IL1RAPL1: variants seen among roughly 807,000 people sequenced by gnomAD.
The protein encoded by IL1RAPL1 is interleukin-1 receptor accessory protein-like 1.
In IL1RAPL1, 3 loss-of-function variants were observed where a neutral mutation model predicts 48.4. The observed-to-expected ratio is 0.06, with a 90% CI of 0.03 to 0.16. IL1RAPL1 has a LOEUF of 0.16. Among genes scored for constraint, IL1RAPL1 ranks in the 10% least tolerant of loss-of-function variants. The pLI, the probability that IL1RAPL1 is intolerant of heterozygous loss-of-function variation, is 1.00. For synonymous variants in IL1RAPL1, 185 were observed against 187.7 expected, an observed-to-expected ratio of 0.99 and a Z score of 0.12; for missense variants, 349 against 530.6, an observed-to-expected ratio of 0.66 and a Z score of 3.36.
chrX:29,199,633 G>C (rs1380871450), intron 2 of IL1RAPL1, among the ~76,000 whole-genome samples: 2 of 111,017 alleles, frequency 1.8e-5, no homozygotes, highest in Non-Finnish European at 1.9e-5. Context: ...TTCACAATAG[G>C]TTTGCTCTCC....
chrX:28,601,915 G>A (rs1364281833), intron 1 of IL1RAPL1, among the ~76,000 whole-genome samples: 1 of 109,766 alleles, frequency 9.1e-6, no homozygotes, highest in Non-Finnish European at 1.9e-5. Flanking sequence ...GATCAGCCTG[G>A]TCAACATGGT....
In IL1RAPL1 at chrX:29,333,554, A is replaced by C. The variant is rs747481614; in HGVS notation, c.362+50337A>C. On this transcript the variant is annotated intron_variant, in intron 3 of 10. Transcript: ENST00000378993. ...GGGGCTGATCCCCCCACCTCCCTCCAGGATGGGGCGGCTGGCCAGGCGGGG... is the reference window on the plus strand; with the variant it reads ...GGGGCTGATCCCCCCACCTCCCTCCCGGATGGGGCGGCTGGCCAGGCGGGG... Among the ~76,000 whole-genome samples, 150 of 73,779 alleles carry C rather than the reference A, an allele frequency of 2.0e-3. 5 individuals are homozygous for C. Among genetic ancestry groups the C allele is most frequent in the African/African-American group, 0.01 (145 of 14,474 alleles). The allele number at this position is 73,779 out of a possible 115,157, so 64.1% of individuals were successfully genotyped here. A position where few individuals can be genotyped will look rare whatever the true frequency, so the allele number is the denominator to read the frequency against.
intron 2 of IL1RAPL1, among the ~76,000 whole-genome samples, chrX:28,866,445 G>C (rs936894721): frequency 9.0e-6 from 1 of 111,257 alleles, no homozygotes; most frequent in Non-Finnish European, 1.9e-5. Flanking sequence ...CTCGGGTAAT[G>C]AGTGCATCAG....
At chrX:29,089,120 C>G (rs1928022557) in intron 2 of IL1RAPL1, among the ~76,000 whole-genome samples, 1 of 111,227 alleles carries the variant, frequency 9.0e-6, no homozygotes, top group Non-Finnish European at 1.9e-5. Context: ...TCAGGTAATT[C>G]TGCATGAGGG....
intron 2 of IL1RAPL1, among the ~76,000 whole-genome samples, chrX:29,222,952 T>C (rs1602120187): frequency 9.0e-6 from 1 of 111,522 alleles, no homozygotes; most frequent in East Asian, 2.8e-4. Flanking sequence ...CCATCCCTCC[T>C]GTTACCCTAT....
At chrX:28,873,523 CTTTTTTTT>C (rs10554661) in intron 2 of IL1RAPL1, among the ~76,000 whole-genome samples, 15 of 56,660 alleles carry the variant, frequency 2.6e-4, no homozygotes, top group South Asian at 1.3e-3. Flanking sequence ...TTCTTTCTTT[CTTTTTTTT>C]TTTTTTTTTT....
intron 2 of IL1RAPL1, among the ~76,000 whole-genome samples, chrX:29,240,222 ATATTTTTTTTT>A (rs1931393564): frequency 5.7e-5 from 1 of 17,582 alleles, no homozygotes. Context: ...ATATATATAT[ATATTTTTTTTT>A]TTTTTTTTTT....
At chrX:29,810,347 G>A (rs1930355937) in intron 6 of IL1RAPL1, among the ~76,000 whole-genome samples, 1 of 109,396 alleles carries the variant, frequency 9.1e-6, no homozygotes, top group African/African-American at 3.3e-5. Flanking sequence ...CCACCACCAC[G>A]CCTGGTTAAT....
intron 2 of IL1RAPL1, among the ~76,000 whole-genome samples, chrX:28,936,604 G>C (rs923632137): frequency 9.1e-6 from 1 of 110,294 alleles, no homozygotes; most frequent in African/African-American, 3.3e-5. Flanking sequence ...TGCATAATAT[G>C]ATATAAATCA....
intron 6 of IL1RAPL1, among the ~76,000 whole-genome samples, chrX:29,841,962 G>A (rs757230252): frequency 3.6e-5 from 4 of 111,942 alleles, no homozygotes; most frequent in Non-Finnish European, 5.6e-5. Context: ...CCAGGCCCAC[G>A]CTTTTAAGAG....
chrX:29,103,440 C>A (rs1928386096), intron 2 of IL1RAPL1, among the ~76,000 whole-genome samples: 1 of 111,689 alleles, frequency 9.0e-6, no homozygotes, highest in African/African-American at 3.3e-5. Context: ...TGAATCTAGA[C>A]CTCTATCTCG....
At chrX:28,645,373 AG>A in intron 1 of IL1RAPL1, among the ~76,000 whole-genome samples, 2 of 103,323 alleles carry the variant, frequency 1.9e-5, no homozygotes, top group Non-Finnish European at 2.0e-5. Flanking sequence ...AAAAAAAAAA[AG>A]GAAAAGAAAG....
chrX:29,471,132 T>C (rs1934916212), intron 5 of IL1RAPL1, among the ~76,000 whole-genome samples: 1 of 110,244 alleles, frequency 9.1e-6, no homozygotes, highest in South Asian at 3.9e-4. Flanking sequence ...AATATACAAA[T>C]CACAGGAGCA....
At chrX:29,925,117 G>A (rs997539511) in intron 8 of IL1RAPL1, among the ~76,000 whole-genome samples, 3 of 111,062 alleles carry the variant, frequency 2.7e-5, no homozygotes, top group South Asian at 3.7e-4. Context: ...GCCATTTGAC[G>A]TCTTTGACCA....
At chrX:28,946,574 A>G (rs759915688) in intron 2 of IL1RAPL1, among the ~76,000 whole-genome samples, 1 of 111,610 alleles carries the variant, frequency 9.0e-6, no homozygotes, top group South Asian at 3.7e-4. Flanking sequence ...TATTAAAAAG[A>G]ATAAACTTAT....
At chrX:29,732,058 T>C (rs1310509848) in intron 6 of IL1RAPL1, among the ~76,000 whole-genome samples, 1 of 112,051 alleles carries the variant, frequency 8.9e-6, no homozygotes, top group Non-Finnish European at 1.9e-5. Flanking sequence ...TCTTTATTTT[T>C]CTAAATTTGA....
chrX:29,586,400 C>G (rs1409497974), intron 5 of IL1RAPL1, among the ~76,000 whole-genome samples: 7 of 111,321 alleles, frequency 6.3e-5, no homozygotes, highest in Non-Finnish European at 1.3e-4. Context: ...GTTAGATTGG[C>G]CTATATGGCT....
At chrX:28,834,813 G>A (rs1285602143) in intron 2 of IL1RAPL1, among the ~76,000 whole-genome samples, 1 of 111,381 alleles carries the variant, frequency 9.0e-6, no homozygotes, top group Non-Finnish European at 1.9e-5. Context: ...GCCAACTGGG[G>A]ATTTGAAATC....
chrX:28,917,671 A>G (rs1248324161), intron 2 of IL1RAPL1, among the ~76,000 whole-genome samples: 1 of 112,216 alleles, frequency 8.9e-6, no homozygotes, highest in Non-Finnish European at 1.9e-5. Flanking sequence ...CAAACACACT[A>G]TACCTGAGTT....
Sources: allele counts gnomAD v4.1 joint callset (sites outside exome capture counted in the v4.1 genomes callset), GRCh38; gene constraint gnomAD v4.1.1; transcripts MANE v1.5; gene names NCBI Gene and HGNC (gene_info 2026-07-23, HGNC 2026-07-21).